Variants in PTPRN2 observed in about 807,000 individuals in gnomAD.
The protein encoded by PTPRN2 is receptor-type tyrosine-protein phosphatase N2.
A neutral mutation model predicts 118.8 loss-of-function variants in PTPRN2; 74 were observed. That is an observed-to-expected ratio of 0.62 (90% CI 0.52 to 0.76). The LOEUF (loss-of-function observed/expected upper bound fraction) is 0.76, where lower values mean the gene tolerates loss of function less well. PTPRN2 is among the 30% of genes least tolerant of loss of function. The pLI, the probability that PTPRN2 is intolerant of heterozygous loss-of-function variation, is 0.00. For synonymous variants in PTPRN2, 641 were observed against 608.0 expected (o/e 1.05, Z -0.80); for missense variants, 1,481 against 1,394.4 (o/e 1.06, Z -0.99).
intron 11 of PTPRN2, among the ~76,000 whole-genome samples, chr7:158,006,530 G>A (rs898620089): frequency 2.6e-5 from 4 of 152,344 alleles, no homozygotes; most frequent in Middle Eastern, 3.4e-3. Context: ...AAGATCTGGC[G>A]AGGGAAGAGC....
chr7:157,951,613 G>A (rs551487145), intron 11 of PTPRN2, among the ~76,000 whole-genome samples: 5 of 152,302 alleles, frequency 3.3e-5, no homozygotes, highest in East Asian at 3.9e-4. Flanking sequence ...AAAGGGAAAC[G>A]CCTTACTAAA....
chr7:157,583,883 AACACACACACACACACACACACACACAC>A lies in PTPRN2; in HGVS notation c.2497-5771_2497-5744del, dbSNP rs35071475. On this transcript the variant is annotated intron_variant, in intron 17 of 22. Transcript: ENST00000389418. The surrounding 1 kb of genome is among the most constrained non-coding windows in gnomAD (Gnocchi z 5.5). ...GGTGACAGAGCGAGACTCTGTCTCA[AACACACACACACACACACACACACACAC>A]ACACACACACACACACACACACACT... 4.5e-5 allele frequency among the ~76,000 whole-genome samples: 6 copies of A among 134,158 alleles called. No homozygotes were observed. Among genetic ancestry groups the A allele is most frequent in the South Asian group, 2.7e-4 (1 of 3,748 alleles). 88.0% of individuals were successfully genotyped at this position (134,158 alleles called of 152,430 possible).
At chr7:157,747,148 A>G (rs1402028389) in intron 12 of PTPRN2, among the ~76,000 whole-genome samples, 7 of 80,804 alleles carry the variant, frequency 8.7e-5, no homozygotes, top group South Asian at 4.7e-4. Flanking sequence ...TGGGCTGTTG[A>G]GGTGATTCTG....
At chr7:157,557,019 A>G (rs549387877) in intron 21 of PTPRN2, among the ~76,000 whole-genome samples, 1 of 151,080 alleles carries the variant, frequency 6.6e-6, no homozygotes, top group African/African-American at 2.4e-5. Flanking sequence ...ACACACATAT[A>G]TACAGGCATG....
intron 4 of PTPRN2, among the ~76,000 whole-genome samples, chr7:158,201,504 A>C (rs1007315360): frequency 7.9e-5 from 12 of 152,214 alleles, no homozygotes; most frequent in Non-Finnish European, 1.6e-4. Flanking sequence ...TGCCCTGCAA[A>C]GTCTCTTGTG....
At chr7:158,277,554 C>T (rs1799102524) in intron 3 of PTPRN2, among the ~76,000 whole-genome samples, 1 of 152,218 alleles carries the variant, frequency 6.6e-6, no homozygotes, top group African/African-American at 2.4e-5. Flanking sequence ...CAAGTCTCCT[C>T]CTCATCACAC....
intron 16 of PTPRN2, among the ~76,000 whole-genome samples, chr7:157,601,991 G>T (rs753241425): frequency 1.3e-5 from 2 of 152,236 alleles, no homozygotes; most frequent in Non-Finnish European, 2.9e-5. Context: ...CAAGTGAGAG[G>T]CTGGCACATC....
chr7:157,753,571 C>T (rs987157546), intron 12 of PTPRN2, among the ~76,000 whole-genome samples: 5 of 152,196 alleles, frequency 3.3e-5, no homozygotes, highest in African/African-American at 1.2e-4. Context: ...TCCTCCAACA[C>T]CCCCACCTCT....
chr7:158,102,004 C>T lies in PTPRN2; in HGVS notation c.1643+8825G>A, dbSNP rs560829184. 2.9e-3 allele frequency among the ~76,000 whole-genome samples: 448 copies of T among 152,292 alleles called. 5 individuals carry two copies. The highest frequency in any genetic ancestry group is 0.01 in the African/African-American group (430 of 41,572). ...TCACAGTGAGCAGCCATGGAGCTTG[C>T]AGCTGACCCTGGGGCCCCTCTCCTG... On this transcript the variant is annotated intron_variant, in intron 10 of 22. Transcript: ENST00000389418.
Position 158,008,010 on chromosome 7 carries a change from G to A in PTPRN2, c.1723+73288C>T, listed in dbSNP as rs145990732. 3.5e-3 allele frequency among the ~76,000 whole-genome samples: 524 copies of A among 149,496 alleles called. 5 individuals carry two copies. The highest frequency in any genetic ancestry group is 0.011 in the African/African-American group (425 of 40,460). ...ATGTGGGGTATGTACTTGTGCACGT[G>A]TGAGTGTGTGTGCTGTGTGTGGGGG... On this transcript the variant is annotated intron_variant, in intron 11 of 22. Transcript: ENST00000389418.
chr7:158,217,109 G>A (rs144960933), intron 3 of PTPRN2, among the ~76,000 whole-genome samples: 2 of 152,156 alleles, frequency 1.3e-5, no homozygotes, highest in South Asian at 2.1e-4. Context: ...TTAAAAAAGA[G>A]GGCCCTACTG....
chr7:157,789,151 G>A (rs956414954), intron 12 of PTPRN2, among the ~76,000 whole-genome samples: 6 of 152,214 alleles, frequency 3.9e-5, no homozygotes, highest in African/African-American at 7.2e-5. Context: ...GTCTTCCGGC[G>A]GGCTGGTCCT....
intron 3 of PTPRN2, among the ~76,000 whole-genome samples, chr7:158,239,399 G>A (rs926714117): frequency 7.9e-5 from 12 of 152,264 alleles, no homozygotes; most frequent in African/African-American, 2.2e-4. Context: ...TTCCTGGGGC[G>A]CTTTGTTTCA....
chr7:157,627,461 A>G lies in PTPRN2; in HGVS notation c.2197-5952T>C, dbSNP rs1388799380. ...GTGAATCTCAGTCGATGCAGGCTGA[A>G]GTGCTTAGGGAAGTTGGAGTTGCTG... On this transcript the variant is annotated intron_variant, in intron 14 of 22. Transcript: ENST00000389418. This position sits in a 1 kb window ranked among gnomAD's most constrained non-coding sequence, Gnocchi z 4.2. 6.6e-6 allele frequency among the ~76,000 whole-genome samples: 1 copy of G among 152,188 alleles called. No homozygotes were observed. Among genetic ancestry groups the G allele is most frequent in the Non-Finnish European group, 1.5e-5 (1 of 68,022 alleles).
intron 3 of PTPRN2, among the ~76,000 whole-genome samples, chr7:158,293,254 T>G (rs1177522862): frequency 6.6e-6 from 1 of 151,862 alleles, no homozygotes; most frequent in Non-Finnish European, 1.5e-5. Flanking sequence ...TATAAAAATG[T>G]TTTTTCTTCA....
At chr7:158,073,058 G>C (rs943160134) in intron 11 of PTPRN2, among the ~76,000 whole-genome samples, 2 of 152,118 alleles carry the variant, frequency 1.3e-5, no homozygotes, top group African/African-American at 4.8e-5. Context: ...GCAGTGGCTC[G>C]GCTGTAGCTG....
Position 158,111,000 on chromosome 7 carries a change from C to T in PTPRN2, c.1557-85G>A. ...AAAGCCCTGTGGCCCCACAGCCCCG[C>T]TCCCTGGTCCCCACACACACCCTGC... is the stretch of plus-strand genomic sequence containing the variant. On this transcript the variant is annotated intron_variant, in intron 9 of 22. Coordinates refer to ENST00000389418, the MANE Select transcript of PTPRN2 (RefSeq NM_002847.5). 5.9e-6 allele frequency: 7 copies of T among 1,177,906 alleles called. No homozygotes were observed. The South Asian group carries it at 8.2e-5, about 14-fold the overall frequency. 73.0% of individuals were successfully genotyped at this position (1,177,906 alleles called of 1,614,324 possible). A position where few individuals can be genotyped will look rare whatever the true frequency, so the allele number is the denominator to read the frequency against.
rs1214798670 is a variant in PTPRN2, at chr7:158,574,981, C to T, written c.112+12577G>A. Among the ~76,000 whole-genome samples, 1 of 152,260 alleles carries T rather than the reference C, an allele frequency of 6.6e-6. No homozygotes were observed. Among genetic ancestry groups the T allele is most frequent in the East Asian group, 1.9e-4 (1 of 5,200 alleles). On this transcript the variant is annotated intron_variant, in intron 1 of 22. Coordinates refer to ENST00000389418, the MANE Select transcript of PTPRN2 (RefSeq NM_002847.5). The surrounding 1 kb of genome is among the most constrained non-coding windows in gnomAD (Gnocchi z 4.6). ...TTCTCCTTCAGGCTGCAAATTAAAA[C>T]AGACTTCCATCCTTTCTTCAAAGGA...
intron 1 of PTPRN2, among the ~76,000 whole-genome samples, chr7:158,520,573 T>C (rs566889776): frequency 1.2e-4 from 18 of 152,294 alleles, no homozygotes; most frequent in African/African-American, 4.3e-4. Context: ...CTCCCTTCCG[T>C]CAGGAGCAAC....
Sources: gnomAD v4.1 joint callset for allele counts (sites outside exome capture counted in the v4.1 genomes callset) on GRCh38, gnomAD v4.1.1 for gene constraint, Gnocchi (gnomAD v3.1) non-coding constraint, MANE v1.5 for transcripts, NCBI Gene and HGNC (gene_info 2026-07-23, HGNC 2026-07-21) for gene names.